Variants in ADAMTS12 observed in about 807,000 individuals in gnomAD.
ADAMTS12 encodes the protein A disintegrin and metalloproteinase with thrombospondin motifs 12.
In ADAMTS12, 118 loss-of-function variants were observed where a neutral mutation model predicts 167.8. The ratio of observed to expected loss-of-function variants is 0.70; its 90% CI spans 0.61 to 0.82. The LOEUF (loss-of-function observed/expected upper bound fraction) is 0.82. Among genes scored for constraint, ADAMTS12 ranks in the 40% least tolerant of loss-of-function variants. The pLI, the probability that ADAMTS12 is intolerant of heterozygous loss-of-function variation, is 0.00. For synonymous variants in ADAMTS12, 704 were observed against 716.9 expected, an observed-to-expected ratio of 0.98 and a Z score of 0.29; for missense variants, 1,916 against 1,998.8, an observed-to-expected ratio of 0.96 and a Z score of 0.79.
At chr5:33,835,704 C>T (rs778657259) in intron 2 of ADAMTS12, among the ~76,000 whole-genome samples, 1 of 152,114 alleles carries the variant, frequency 6.6e-6, no homozygotes, top group Admixed American at 6.5e-5. Context: ...AATACCATTA[C>T]CTTGGGGGTA....
intron 12 of ADAMTS12, among the ~76,000 whole-genome samples, chr5:33,637,039 T>C (rs1218376293): frequency 6.6e-6 from 1 of 152,224 alleles, no homozygotes; most frequent in Non-Finnish European, 1.5e-5. Flanking sequence ...TCCTATTATC[T>C]TGCCTTTCCG....
intron 6 of ADAMTS12, 126 bp from the exon 7 acceptor site, chr5:33,658,459 A>G: frequency 3.6e-6 from 4 of 1,117,580 alleles, no homozygotes; most frequent in Non-Finnish European, 5.0e-6. Context: ...TTTTTTAAAA[A>G]GTCTACATGA....
intron 19 of ADAMTS12, among the ~76,000 whole-genome samples, chr5:33,570,588 T>C (rs1746275922): frequency 6.6e-6 from 1 of 152,142 alleles, no homozygotes; most frequent in Non-Finnish European, 1.5e-5. Flanking sequence ...AAAGAGCTCC[T>C]GAAGGAAGCA....
chr5:33,711,989 C>G (rs1743419048), intron 3 of ADAMTS12, among the ~76,000 whole-genome samples: 1 of 152,092 alleles, frequency 6.6e-6, no homozygotes, highest in South Asian at 2.1e-4. Context: ...GATGTTTGGG[C>G]ACAGTTCCAA....
At chr5:33,609,221 C>G (rs773223163) in intron 16 of ADAMTS12, among the ~76,000 whole-genome samples, 5 of 152,066 alleles carry the variant, frequency 3.3e-5, no homozygotes, top group African/African-American at 1.2e-4. Context: ...GGGTTAAACT[C>G]CCTATGTGAA....
intron 2 of ADAMTS12, among the ~76,000 whole-genome samples, chr5:33,878,466 T>TACATGGTAG (rs1363122062): frequency 6.6e-6 from 1 of 152,184 alleles, no homozygotes; most frequent in Non-Finnish European, 1.5e-5. Context: ...TGAAAATGCC[T>TACATGGTAG]ACATGGTAGT....
At chr5:33,730,029 C>T (rs1364463430) in intron 3 of ADAMTS12, among the ~76,000 whole-genome samples, 2 of 152,092 alleles carry the variant, frequency 1.3e-5, no homozygotes, top group African/African-American at 4.8e-5. Context: ...TCTGGAGCTC[C>T]AAGGCAAAAG....
chr5:33,558,157 C>A (rs907133647), intron 20 of ADAMTS12, among the ~76,000 whole-genome samples: 1 of 151,974 alleles, frequency 6.6e-6, no homozygotes, highest in Admixed American at 6.6e-5. Flanking sequence ...AACCATTCCC[C>A]CAGTCCGTGG....
chr5:33,577,514 T>C (rs1403580818), intron 18 of ADAMTS12, among the ~76,000 whole-genome samples: 1 of 152,204 alleles, frequency 6.6e-6, no homozygotes, highest in Non-Finnish European at 1.5e-5. Context: ...TCACACTGTC[T>C]CTTTTCTGGG....
chr5:33,604,916 T>A (rs1738363775), intron 16 of ADAMTS12, among the ~76,000 whole-genome samples: 1 of 152,206 alleles, frequency 6.6e-6, no homozygotes, highest in African/African-American at 2.4e-5. Context: ...AGAAATCTAA[T>A]GCTAAGACAA....
rs954540109 is a variant in ADAMTS12, at chr5:33,524,128, C to T, written c.*3060G>A. On this transcript the variant is annotated 3_prime_UTR_variant, in exon 24 of 24. Transcript: ENST00000504830. Reference sequence around the variant, plus strand: ...TGAAAGCATCACAGTGGGATGTCAGCGGAGACGTGGCTGTCTCAGGAGATT... The same window carrying T: ...TGAAAGCATCACAGTGGGATGTCAGTGGAGACGTGGCTGTCTCAGGAGATT... The T allele has an allele frequency of 2.6e-5, 4 of 152,338 alleles. No individual in the cohort carries two copies. Among genetic ancestry groups the T allele is most frequent in the East Asian group, 1.9e-4 (1 of 5,200 alleles). 9.4% of individuals were successfully genotyped at this position (152,338 alleles called of 1,614,324 possible).
chr5:33,641,833 T>C lies in ADAMTS12; in HGVS notation c.1695A>G (p.Ala565=), dbSNP rs150141268. 1.2e-6 allele frequency: 2 copies of C among 1,612,830 alleles called. No homozygotes were observed. The highest frequency in any genetic ancestry group is 2.7e-5 in the African/African-American group (2 of 74,918). ...SRTCGAGVQS[A]ERLCNNPEPK... ...ACTCGGGGTTGTTGCAGAGCCTCTCTGCGCTCTGGACTCCAGCCCCACAGG... is the reference window on the plus strand; with the variant it reads ...ACTCGGGGTTGTTGCAGAGCCTCTCCGCGCTCTGGACTCCAGCCCCACAGG... The change falls in exon 11 of 24, where the codon GCA becomes GCG. Residue 565 remains alanine (A), a synonymous_variant. Coordinates refer to ENST00000504830, the MANE Select transcript of ADAMTS12 (RefSeq NM_030955.4).
In ADAMTS12 at chr5:33,722,558, C is replaced by T. The variant is rs1013990476; in HGVS notation, c.634+28846G>A. Among the ~76,000 whole-genome samples the T allele has an allele frequency of 2.0e-5, 3 of 152,262 alleles. No homozygotes were observed. The South Asian group carries it at 6.2e-4, about 32-fold the overall frequency. On this transcript the variant is annotated intron_variant, in intron 3 of 23. Transcript: ENST00000504830. ...AATCTAAGCAGCCCTGATGACTGTC[C>T]TAAGAATGATCTTCCTAATATTTTC...
At chr5:33,782,097 A>G (rs564227560) in intron 2 of ADAMTS12, among the ~76,000 whole-genome samples, 1 of 152,062 alleles carries the variant, frequency 6.6e-6, no homozygotes, top group East Asian at 1.9e-4. Flanking sequence ...AAATATAACA[A>G]TTTTCTATTT....
At chr5:33,640,542 G>A (rs973707287) in intron 11 of ADAMTS12, among the ~76,000 whole-genome samples, 1 of 152,146 alleles carries the variant, frequency 6.6e-6, no homozygotes, top group African/African-American at 2.4e-5. Context: ...ACGATTAAAT[G>A]ACAATTTTCT....
At chr5:33,795,039 G>C (rs1027294726) in intron 2 of ADAMTS12, among the ~76,000 whole-genome samples, 15 of 152,196 alleles carry the variant, frequency 9.9e-5, no homozygotes, top group African/African-American at 3.4e-4. Context: ...ATTTCAAGCA[G>C]CTGGTCACAA....
At chr5:33,695,152 A>T (rs1028949191) in intron 3 of ADAMTS12, among the ~76,000 whole-genome samples, 19 of 152,230 alleles carry the variant, frequency 1.2e-4, no homozygotes, top group African/African-American at 4.6e-4. Flanking sequence ...TAAAGAGATG[A>T]TGTCCACAAT....
intron 13 of ADAMTS12, among the ~76,000 whole-genome samples, chr5:33,628,243 C>T (rs114358352): frequency 0.02 from 3,058 of 152,136 alleles, 107 homozygotes; most frequent in African/African-American, 0.07. Flanking sequence ...GGAAGGTTAG[C>T]GAGCTGGCCT....
chr5:33,771,095 T>C (rs1413438681), intron 2 of ADAMTS12, among the ~76,000 whole-genome samples: 1 of 152,178 alleles, frequency 6.6e-6, no homozygotes, highest in Non-Finnish European at 1.5e-5. Flanking sequence ...TGTATGAGAA[T>C]TTCAGTTCCC....
Sources: allele counts gnomAD v4.1 joint callset (sites outside exome capture counted in the v4.1 genomes callset), GRCh38; gene constraint gnomAD v4.1.1; transcripts MANE v1.5; gene names NCBI Gene and HGNC (gene_info 2026-07-23, HGNC 2026-07-21).